The following DHX35 variants were observed in gnomAD, a reference collection of about 807,000 sequenced individuals.
DHX35 encodes the protein DEAH-box helicase 35.
In DHX35, 84 loss-of-function variants were observed where a neutral mutation model predicts 99.6. That is an observed-to-expected ratio of 0.84 (90% CI 0.71 to 1.01). The LOEUF (loss-of-function observed/expected upper bound fraction) is 1.01. Ranked by LOEUF, DHX35 falls within the 50% of genes least tolerant of loss-of-function variation. The pLI is 0.00. For synonymous variants in DHX35, 331 were observed against 316.2 expected, an observed-to-expected ratio of 1.05 and a Z score of -0.50; for missense variants, 852 against 888.5, an observed-to-expected ratio of 0.96 and a Z score of 0.52.
Position 39,001,777 on chromosome 20 carries a change from G to A in DHX35, c.690G>A (p.Arg230=). 6.2e-7 allele frequency: 1 copy of A among 1,613,064 alleles called. No homozygotes were observed. Among genetic ancestry groups the A allele is most frequent in the Non-Finnish European group, 8.5e-7 (1 of 1,179,702 alleles). ...FNQNETSDPA[R]DTCVILTVEG... ...AAAATGAAACCAGTGATCCAGCAAG[G>A]GATACATGTGTGATCCTTACAGTGG... The change falls in exon 9 of 22, where the codon AGG becomes AGA. Residue 230 remains arginine (R), a synonymous_variant. Transcript: ENST00000252011.
Position 38,971,325 on chromosome 20 carries a change from C to T in DHX35, c.175-1234C>T, listed in dbSNP as rs1312345897. On this transcript the variant is annotated intron_variant, in intron 2 of 21. Coordinates refer to ENST00000252011, the MANE Select transcript of DHX35 (RefSeq NM_021931.4). The stretch of plus-strand genomic sequence containing the variant: ...CCAAGATTGCACCACTGCACTCCTG[C>T]CTGGGCAACAGAGCGAGACTCCATC... Among the ~76,000 whole-genome samples, 3 of 152,286 alleles carry T rather than the reference C, an allele frequency of 2.0e-5. No homozygotes were observed. The East Asian group carries it at 5.8e-4, about 29-fold the overall frequency.
intron 12 of DHX35, 142 bp downstream of exon 12, chr20:39,006,498 A>G: frequency 1.1e-6 from 1 of 872,822 alleles, no homozygotes; most frequent in Non-Finnish European, 1.7e-6. Flanking sequence ...TCAGATCCCC[A>G]CTGCTTTCCT....
At chr20:39,032,447 C>G (rs917475298) in intron 20 of DHX35, among the ~76,000 whole-genome samples, 2 of 152,184 alleles carry the variant, frequency 1.3e-5, no homozygotes, top group African/African-American at 2.4e-5. Context: ...GCTGGGATTA[C>G]AGGCGTGAGC....
chr20:39,028,992 T>G (rs892588934), intron 19 of DHX35, among the ~76,000 whole-genome samples: 7 of 152,184 alleles, frequency 4.6e-5, no homozygotes, highest in Non-Finnish European at 1.0e-4. Flanking sequence ...TCCAGTTCCA[T>G]TTTCTAGGCA....
Position 39,002,807 on chromosome 20 carries a change from CTG to C in DHX35, c.794_795del (p.Val265GlyfsTer58), listed in dbSNP as rs1213048259. The C allele has an allele frequency of 1.9e-6, 3 of 1,614,162 alleles. No homozygotes were observed. The highest frequency in any genetic ancestry group is 2.2e-5 in the East Asian group (1 of 44,874). ...GATTATATCAAATCAACTGTCGAAA[CTG>C]TGGTGAAAATTCACCAGACAGAGGG... On this transcript the variant is annotated frameshift_variant, in exon 10 of 22. Coordinates refer to ENST00000252011, the MANE Select transcript of DHX35 (RefSeq NM_021931.4). LOFTEE classifies it high-confidence loss of function.
intron 1 of DHX35, 78 bp downstream of exon 1, chr20:38,962,485 C>T: frequency 6.5e-7 from 1 of 1,544,382 alleles, no homozygotes; most frequent in Non-Finnish European, 8.8e-7. Context: ...GCCCTGGGGC[C>T]AGCAGACCTG....
intron 12 of DHX35, among the ~76,000 whole-genome samples, chr20:39,008,870 T>C (rs1316052169): frequency 1.3e-5 from 2 of 152,226 alleles, no homozygotes; most frequent in Non-Finnish European, 2.9e-5. Context: ...GCAGCTTCCC[T>C]GGAGGCCTTC....
chr20:38,994,788 A>G lies in DHX35; in HGVS notation c.583-33A>G, dbSNP rs778007947. ...TGATCTCATCCATAAGTGTTGCACT[A>G]TTATCATTATTTCCAAATGTCTTCT... On this transcript the variant is annotated intron_variant, in intron 7 of 21. Transcript: ENST00000252011. The G allele has an allele frequency of 1.1e-5, 17 of 1,545,786 alleles. No individual in the cohort carries two copies. In the East Asian group the frequency reaches 2.5e-4, roughly 22 times the overall value.
intron 15 of DHX35, 122 bp from the exon 16 acceptor site, chr20:39,021,719 T>C: frequency 3.1e-6 from 3 of 972,948 alleles, no homozygotes; most frequent in Non-Finnish European, 4.8e-6. Context: ...CTTTAAAAAT[T>C]AAGCTCTAGA....
intron 8 of DHX35, among the ~76,000 whole-genome samples, chr20:38,999,281 T>C (rs1368510277): frequency 6.6e-6 from 1 of 151,952 alleles, no homozygotes; most frequent in Non-Finnish European, 1.5e-5. Context: ...CTTCCATAGC[T>C]CCTGGAGCCC....
rs919236617 is a variant in DHX35 at position 39,000,374 on chromosome 20, T to A, written c.643-1356T>A. Among the ~76,000 whole-genome samples the A allele has an allele frequency of 7.9e-5, 12 of 152,184 alleles. No homozygotes were observed. In the East Asian group the frequency reaches 2.3e-3, roughly 29 times the overall value. ...ACTCTTTTGGGGCATGGGGTGTCTG[T>A]TCCCACTTGTTTGTATGTCACTTCT... On this transcript the variant is annotated intron_variant, in intron 8 of 21. Transcript: ENST00000252011.
chr20:38,972,879 G>T (rs963549547), intron 3 of DHX35, among the ~76,000 whole-genome samples: 1 of 152,170 alleles, frequency 6.6e-6, no homozygotes, highest in Non-Finnish European at 1.5e-5. Context: ...TAATGGAATG[G>T]CCATCTTCTG....
chr20:39,017,651 G>A (rs561710633), intron 14 of DHX35, among the ~76,000 whole-genome samples: 4 of 152,244 alleles, frequency 2.6e-5, no homozygotes, highest in East Asian at 3.9e-4. Context: ...ATCTTGCAGC[G>A]TTTAAGTAGT....
At position 39,014,884 on chromosome 20, in the gene DHX35, C is replaced by T. The variant is rs1236756507; in HGVS notation, c.1352C>T (p.Pro451Leu). Reference protein sequence around the residue: ...NVLRFHFMSPPPAQSMVQALE... With the variant: ...NVLRFHFMSPLPAQSMVQALE... ...AGATTTTTATGTTTTTTCCAGCCCC[C>T]TCCAGCACAGTCGATGGTTCAAGCC... Residue 451 changes from proline (P) to leucine (L), a missense_variant, in exon 14 of 22, where the codon CCT (proline) becomes CTT (leucine). By Grantham distance (98) the Pro-to-Leu change is moderately conservative. Coordinates refer to ENST00000252011, the MANE Select transcript of DHX35 (RefSeq NM_021931.4). 2 of 1,614,156 alleles carry T rather than the reference C, an allele frequency of 1.2e-6. No homozygotes were observed. The highest frequency in any genetic ancestry group is 2.2e-5 in the East Asian group (1 of 44,874).
intron 2 of DHX35, among the ~76,000 whole-genome samples, chr20:38,970,633 A>G (rs887436454): frequency 6.6e-6 from 1 of 152,206 alleles, no homozygotes; most frequent in South Asian, 2.1e-4. Context: ...TTTATCTGTG[A>G]TGTAGGACTA....
At chr20:38,991,153 T>C (rs957732780) in intron 5 of DHX35, among the ~76,000 whole-genome samples, 1 of 152,216 alleles carries the variant, frequency 6.6e-6, no homozygotes, top group Non-Finnish European at 1.5e-5. Flanking sequence ...TCACTGCCTC[T>C]TTATCGATAG....
At chr20:38,980,017 A>G (rs2086147604) in intron 3 of DHX35, among the ~76,000 whole-genome samples, 1 of 152,162 alleles carries the variant, frequency 6.6e-6, no homozygotes, top group Non-Finnish European at 1.5e-5. Flanking sequence ...GACTTCAGCT[A>G]CGTTTTAGTG....
At chr20:38,999,267 T>C (rs569959268) in intron 8 of DHX35, among the ~76,000 whole-genome samples, 2 of 151,992 alleles carry the variant, frequency 1.3e-5, no homozygotes, top group East Asian at 1.9e-4. Context: ...TCTTCCTCCT[T>C]CTCCTTCCAT....
intron 8 of DHX35, among the ~76,000 whole-genome samples, chr20:38,999,332 G>A (rs191760884): frequency 3.9e-5 from 6 of 151,948 alleles, no homozygotes; most frequent in African/African-American, 1.2e-4. Flanking sequence ...GCTTCCTCTT[G>A]GGCCCCTTCT....
Sources: allele counts gnomAD v4.1 joint callset (sites outside exome capture counted in the v4.1 genomes callset), GRCh38; gene constraint gnomAD v4.1.1; transcripts MANE v1.5; gene names NCBI Gene and HGNC (gene_info 2026-07-23, HGNC 2026-07-21).